The following NOL4 variants were observed in gnomAD, a reference collection of about 807,000 sequenced individuals.
NOL4 encodes nucleolar protein 4, also known as cancer/testis antigen 125.
A neutral mutation model predicts 75.9 loss-of-function variants in NOL4; 17 were observed. That is an observed-to-expected ratio of 0.22 (90% CI 0.15 to 0.34). The LOEUF (loss-of-function observed/expected upper bound fraction) is 0.34. Ranked by LOEUF, NOL4 falls within the 10% of genes least tolerant of loss-of-function variation. The probability of loss-of-function intolerance (pLI) is 1.00; values close to 1 mark genes in which losing one functional copy is unlikely to be tolerated. For synonymous variants in NOL4, 292 were observed against 289.9 expected, an observed-to-expected ratio of 1.01 and a Z score of -0.07; for missense variants, 614 against 793.5, an observed-to-expected ratio of 0.77 and a Z score of 2.72.
intron 1 of NOL4, among the ~76,000 whole-genome samples, chr18:34,202,836 T>C (rs1397010443): frequency 1.3e-5 from 2 of 151,994 alleles, no homozygotes; most frequent in Non-Finnish European, 2.9e-5. Context: ...ACCACACATA[T>C]ATAGCTGGTA....
chr18:33,897,934 G>A (rs954247960), intron 9 of NOL4, among the ~76,000 whole-genome samples: 1 of 151,638 alleles, frequency 6.6e-6, no homozygotes, highest in Admixed American at 6.6e-5. Context: ...AACTTTTTGA[G>A]ACAGGATCTC....
At chr18:34,206,490 A>G (rs2036131299) in intron 1 of NOL4, among the ~76,000 whole-genome samples, 2 of 151,758 alleles carry the variant, frequency 1.3e-5, no homozygotes, top group Non-Finnish European at 2.9e-5. Context: ...AGAAAATCTT[A>G]TATCACCTGT....
intron 6 of NOL4, among the ~76,000 whole-genome samples, chr18:33,998,056 GA>G (rs1216101720): frequency 2.0e-5 from 3 of 151,998 alleles, no homozygotes; most frequent in Non-Finnish European, 4.4e-5. Context: ...TTCCCTATGT[GA>G]AATGTCTAGA....
At chr18:33,948,995 G>A (rs910291641) in intron 8 of NOL4, among the ~76,000 whole-genome samples, 1 of 151,948 alleles carries the variant, frequency 6.6e-6, no homozygotes, top group East Asian at 1.9e-4. Flanking sequence ...TCAGCTGGCA[G>A]AAAAAAACTG....
chr18:34,136,933 A>G (rs1222981068), intron 1 of NOL4, among the ~76,000 whole-genome samples: 1 of 152,138 alleles, frequency 6.6e-6, no homozygotes, highest in Non-Finnish European at 1.5e-5. Context: ...AGTCTTTATT[A>G]GATAGTGTGG....
At chr18:34,058,484 G>A (rs184580345) in intron 5 of NOL4, among the ~76,000 whole-genome samples, 2 of 152,128 alleles carry the variant, frequency 1.3e-5, no homozygotes, top group Admixed American at 6.5e-5. Flanking sequence ...TGCTAGGTGA[G>A]GCCTTTATCT....
rs145045791 is a variant in NOL4, at chr18:33,985,813, T to C, written c.1057-27395A>G. On this transcript the variant is annotated intron_variant, in intron 6 of 10. Coordinates refer to ENST00000261592, the MANE Select transcript of NOL4 (RefSeq NM_003787.5). Reference sequence around the variant, plus strand: ...ATGAAATACAGAAGTAGATTTAAAATGAATGCAAAGTTCTGACTTCCTTAA... The same window carrying C: ...ATGAAATACAGAAGTAGATTTAAAACGAATGCAAAGTTCTGACTTCCTTAA... Among the ~76,000 whole-genome samples the C allele has an allele frequency of 2.6e-5, 4 of 152,270 alleles. No homozygotes were observed. The South Asian group carries it at 8.3e-4, about 32-fold the overall frequency.
chr18:34,008,371 G>GTCTGTCTA lies in NOL4; in HGVS notation c.1056+10946_1056+10947insTAGACAGA, dbSNP rs1555690666. ...ATAACATATCACTTTCTATCTGTCT[G>GTCTGTCTA]TCTATCTATCTATCTATCTATCTAT... On this transcript the variant is annotated intron_variant, in intron 6 of 10. Coordinates refer to ENST00000261592, the MANE Select transcript of NOL4 (RefSeq NM_003787.5). Among the ~76,000 whole-genome samples the GTCTGTCTA allele has an allele frequency of 9.4e-3, 1,383 of 147,656 alleles. 16 individuals are homozygous for GTCTGTCTA. Among genetic ancestry groups the GTCTGTCTA allele is most frequent in the African/African-American group, 0.028 (1,101 of 39,848 alleles).
intron 7 of NOL4, 78 bp from the exon 8 acceptor site, chr18:33,957,595 C>A: frequency 6.1e-6 from 7 of 1,139,440 alleles, no homozygotes; most frequent in Non-Finnish European, 8.6e-6. Context: ...TCTTGATTAC[C>A]GATAGGAAAA....
At chr18:34,170,416 T>A (rs2032914989) in intron 1 of NOL4, among the ~76,000 whole-genome samples, 1 of 152,156 alleles carries the variant, frequency 6.6e-6, no homozygotes, top group African/African-American at 2.4e-5. Flanking sequence ...GGTCTCAAAC[T>A]CCTGACCTCA....
At chr18:33,921,533 C>T (rs958508368) in intron 9 of NOL4, among the ~76,000 whole-genome samples, 2 of 152,036 alleles carry the variant, frequency 1.3e-5, no homozygotes, top group African/African-American at 4.8e-5. Context: ...AGGGTGGACC[C>T]TACTTCAAAA....
chr18:34,060,686 T>A (rs1343687743), intron 5 of NOL4, among the ~76,000 whole-genome samples: 4 of 152,188 alleles, frequency 2.6e-5, no homozygotes, highest in African/African-American at 9.6e-5. Context: ...TGCTCAATAC[T>A]TGTTGTTTGA....
At chr18:34,035,411 A>G (rs1228810141) in intron 5 of NOL4, among the ~76,000 whole-genome samples, 1 of 152,154 alleles carries the variant, frequency 6.6e-6, no homozygotes, top group Non-Finnish European at 1.5e-5. Context: ...ATTTTTTGAA[A>G]CAAATGAAAA....
intron 4 of NOL4, among the ~76,000 whole-genome samples, chr18:34,096,675 G>A (rs1007620490): frequency 2.6e-5 from 4 of 152,066 alleles, no homozygotes; most frequent in African/African-American, 9.7e-5. Flanking sequence ...TACTGTGTGA[G>A]CTTATTTCTT....
intron 5 of NOL4, among the ~76,000 whole-genome samples, chr18:34,075,847 T>C (rs538732998): frequency 1.3e-5 from 2 of 152,308 alleles, no homozygotes; most frequent in East Asian, 3.9e-4. Flanking sequence ...ATGAGTTGTA[T>C]GTGAAATATA....
At chr18:33,959,507 T>C (rs1232889456) in intron 6 of NOL4, among the ~76,000 whole-genome samples, 2 of 152,086 alleles carry the variant, frequency 1.3e-5, no homozygotes, top group African/African-American at 4.8e-5. Context: ...TTATATACTC[T>C]TTGAGACCAT....
chr18:34,176,863 A>G (rs996484815), intron 1 of NOL4, among the ~76,000 whole-genome samples: 5 of 152,110 alleles, frequency 3.3e-5, no homozygotes, highest in African/African-American at 4.8e-5. Flanking sequence ...CAAAAATGCT[A>G]AGCTACCTAT....
intron 5 of NOL4, among the ~76,000 whole-genome samples, chr18:34,038,045 T>TA (rs1335079682): frequency 6.6e-6 from 1 of 151,394 alleles, no homozygotes; most frequent in Non-Finnish European, 1.5e-5. Context: ...AACTCAACAA[T>TA]AAAAAAACAA....
intron 9 of NOL4, among the ~76,000 whole-genome samples, chr18:33,934,494 T>G (rs1352260714): frequency 6.6e-6 from 1 of 152,200 alleles, no homozygotes; most frequent in Non-Finnish European, 1.5e-5. Flanking sequence ...ATCTACATTA[T>G]AAATCTTTAT....
Sources: gnomAD v4.1 joint callset for allele counts (sites outside exome capture counted in the v4.1 genomes callset) on GRCh38, gnomAD v4.1.1 for gene constraint, MANE v1.5 for transcripts, NCBI Gene and HGNC (gene_info 2026-07-23, HGNC 2026-07-21) for gene names.